Variants in ERCC6L2 observed in about 807,000 individuals in gnomAD.
The protein encoded by ERCC6L2 is DNA excision repair protein ERCC-6-like 2.
Under a neutral mutation model 132.0 loss-of-function variants are expected in ERCC6L2, and 77 were observed. The ratio of observed to expected loss-of-function variants is 0.58; its 90% CI spans 0.49 to 0.71. ERCC6L2 has a LOEUF of 0.71. Among genes scored for constraint, ERCC6L2 ranks in the 30% least tolerant of loss-of-function variants. The pLI is 0.00. For missense variants in ERCC6L2, 1,542 were observed against 1,837.6 expected, an observed-to-expected ratio of 0.84 and a Z score of 2.94; for synonymous variants, 583 against 632.4, an observed-to-expected ratio of 0.92 and a Z score of 1.17.
rs1834161815 is a variant in ERCC6L2, at chr9:96,015,293, C to A, written c.*2090C>A. The stretch of plus-strand genomic sequence containing the variant: ...CCTCCGCCCCCCGAGTCAAGCAATT[C>A]TCCTGCCTCAGCCTCCCGAGTAGCT... On this transcript the variant is annotated 3_prime_UTR_variant, in exon 19 of 19. Coordinates refer to ENST00000653738, the MANE Select transcript of ERCC6L2 (RefSeq NM_020207.7). 6.6e-6 allele frequency among the ~76,000 whole-genome samples: 1 copy of A among 150,392 alleles called. No individual in the cohort carries two copies. The highest frequency in any genetic ancestry group is 6.6e-5 in the Admixed American group (1 of 15,226).
At chr9:95,940,113 T>G (rs1830730974) in intron 11 of ERCC6L2, among the ~76,000 whole-genome samples, 1 of 152,122 alleles carries the variant, frequency 6.6e-6, no homozygotes, top group Non-Finnish European at 1.5e-5. Context: ...TCACTCAGTC[T>G]TCTCTGACAC....
At chr9:96,021,175 C>T, downstream of ERCC6L2, 1 of 359,316 alleles carries the variant, frequency 2.8e-6, no homozygotes, top group South Asian at 2.1e-5. This position sits in a 1 kb window ranked among gnomAD's most constrained non-coding sequence, Gnocchi z 4.7. Flanking sequence ...GCAGAGGCGG[C>T]TTCGCCTGGT....
Position 95,881,212 on chromosome 9 carries a change from A to G in ERCC6L2, c.390A>G (p.Gly130=). The G allele has an allele frequency of 6.2e-7, 1 of 1,606,874 alleles. No homozygotes were observed. Among genetic ancestry groups the G allele is most frequent in the Non-Finnish European group, 8.5e-7 (1 of 1,178,284 alleles). Residue 130 remains glycine, a synonymous_variant, in exon 2 of 19, where the codon GGA becomes GGG. Transcript: ENST00000653738. The part of the protein sequence containing the change: ...NRYLRDYQRE[G]TRFLYGHYIH... ...ATTTGAGAGACTACCAAAGAGAAGG[A>G]ACCCGGTTTCTTTATGGACACTACA...
intron 17 of ERCC6L2, among the ~76,000 whole-genome samples, chr9:95,998,105 G>T (rs1481703916): frequency 2.0e-5 from 3 of 151,998 alleles, no homozygotes; most frequent in South Asian, 2.1e-4. Flanking sequence ...ACCTTTTCTG[G>T]CCATATACAC....
intron 11 of ERCC6L2, among the ~76,000 whole-genome samples, chr9:95,939,030 C>A (rs1830679889): frequency 6.6e-6 from 1 of 151,842 alleles, no homozygotes; most frequent in African/African-American, 2.4e-5. Flanking sequence ...ACAGGTTTAC[C>A]AGTTTGAATG....
chr9:95,897,992 A>G (rs2132607814), intron 3 of ERCC6L2, 21 bp downstream of exon 3: 3 of 1,586,562 alleles, frequency 1.9e-6, no homozygotes, highest in Non-Finnish European at 2.6e-6. Flanking sequence ...TAGACAATGT[A>G]TATTCTACTC....
chr9:95,971,325 T>C (rs1832402997), intron 15 of ERCC6L2, among the ~76,000 whole-genome samples: 1 of 152,148 alleles, frequency 6.6e-6, no homozygotes, highest in Non-Finnish European at 1.5e-5. Context: ...TTCCGCAATA[T>C]TTTACTAGTA....
rs754836299 is a variant in ERCC6L2 at position 96,012,457 on chromosome 9, C to T, written c.3907C>T (p.Leu1303Phe). 3 of 1,366,854 alleles carry T rather than the reference C, an allele frequency of 2.2e-6. 1 individual carries two copies. In the South Asian group the frequency reaches 3.4e-5, roughly 16 times the overall value. 84.7% of individuals were successfully genotyped at this position (1,366,854 alleles called of 1,614,324 possible). A position where few individuals can be genotyped will look rare whatever the true frequency, so the allele number is the denominator to read the frequency against. The change falls in exon 19 of 19, where the codon CTT becomes TTT. Residue 1303 changes from leucine (L) to phenylalanine (F), a missense_variant. Transcript: ENST00000653738. ...TRKKSDKRESLIKPRLSDSET... is the reference protein window; with the variant it reads ...TRKKSDKRESFIKPRLSDSET... ...GAAGAAATCTGATAAAAGAGAATCT[C>T]TTATAAAACCAAGGCTGTCAGATTC... is the stretch of plus-strand genomic sequence containing the variant.
chr9:96,039,618 T>G (rs1310165168), intron 20 of ERCC6L2, among the ~76,000 whole-genome samples: 1 of 151,898 alleles, frequency 6.6e-6, no homozygotes, highest in Non-Finnish European at 1.5e-5. Flanking sequence ...GGGGGAGTGG[T>G]GGGGACTAGA....
rs1418587489 is a variant in ERCC6L2, at chr9:95,972,082, T to C, written c.2331T>C (p.Asp777=). The stretch of plus-strand genomic sequence containing the variant: ...AGACTGCCAAAAACAAAGCACCCGA[T>C]TCAAGTAAAGCTTCCAGCTCTCCAG... The part of the protein sequence containing the change: ...GIKTAKNKAP[D]SSKASSSPGQ... The change falls in exon 16 of 19, where the codon GAT becomes GAC. Residue 777 remains aspartate, a synonymous_variant. Transcript: ENST00000653738. 1 of 1,304,240 alleles carries C rather than the reference T, an allele frequency of 7.7e-7. No individual in the cohort carries two copies. The highest frequency in any genetic ancestry group is 1.0e-6 in the Non-Finnish European group (1 of 988,950). The allele number at this position is 1,304,240 out of a possible 1,614,324, so 80.8% of individuals were successfully genotyped here.
chr9:95,918,268 C>T (rs1019264923), intron 6 of ERCC6L2: 3 of 433,730 alleles, frequency 6.9e-6, no homozygotes, highest in African/African-American at 6.1e-5. Context: ...AGACCCACTA[C>T]AGTGTAGCTG....
chr9:95,971,437 T>C (rs1832409064), intron 15 of ERCC6L2: 1 of 152,210 alleles, frequency 6.6e-6, no homozygotes. Flanking sequence ...CAAAATTCTT[T>C]ATTTCTGGTG....
chr9:95,889,443 T>G (rs1828043393), intron 2 of ERCC6L2, among the ~76,000 whole-genome samples: 1 of 151,988 alleles, frequency 6.6e-6, no homozygotes, highest in Non-Finnish European at 1.5e-5. Flanking sequence ...TGCCTAAAAT[T>G]AAAAAGAGTA....
chr9:95,958,674 C>T (rs1587978620), intron 13 of ERCC6L2, among the ~76,000 whole-genome samples: 1 of 152,068 alleles, frequency 6.6e-6, no homozygotes, highest in Non-Finnish European at 1.5e-5. Context: ...GCAACTTCAG[C>T]AAAGTCTCAG....
At chr9:95,903,491 C>A (rs1828877450) in intron 3 of ERCC6L2, among the ~76,000 whole-genome samples, 1 of 152,058 alleles carries the variant, frequency 6.6e-6, no homozygotes, top group Non-Finnish European at 1.5e-5. Context: ...CTTTGCTTGT[C>A]ATTTCCATTC....
chr9:96,030,585 C>T (rs1371033040), intron 19 of ERCC6L2, among the ~76,000 whole-genome samples: 2 of 151,936 alleles, frequency 1.3e-5, no homozygotes, highest in Non-Finnish European at 2.9e-5. Context: ...ACCTGTAGTC[C>T]CAGCTACTGG....
chr9:96,026,382 T>C (rs1834363505), intron 19 of ERCC6L2, among the ~76,000 whole-genome samples: 1 of 152,006 alleles, frequency 6.6e-6, no homozygotes, highest in African/African-American at 2.4e-5. Context: ...AGGGCGCGGA[T>C]CCCAGGAGGT....
intron 18 of ERCC6L2, among the ~76,000 whole-genome samples, chr9:96,005,384 A>G (rs1015082712): frequency 6.6e-6 from 1 of 152,140 alleles, no homozygotes; most frequent in Non-Finnish European, 1.5e-5. Flanking sequence ...GAAGTTTTAA[A>G]AAGTAAACCT....
In ERCC6L2 at chr9:95,875,964, G is replaced by GGCCA. The variant is rs1210611389; in HGVS notation, c.-70_-67dup. On this transcript the variant is annotated 5_prime_UTR_variant, in exon 1 of 19. Coordinates refer to ENST00000653738, the MANE Select transcript of ERCC6L2 (RefSeq NM_020207.7). The stretch of plus-strand genomic sequence containing the variant: ...TGGCGTTGGCCGCCATTGGCCTGCC[G>GGCCA]GCCAGCCACCTTGCTGTCCTCCGCC... The GGCCA allele has an allele frequency of 2.8e-5, 43 of 1,511,882 alleles. No homozygotes were observed. Among genetic ancestry groups the GGCCA allele is most frequent in the Non-Finnish European group, 3.7e-5 (41 of 1,118,692 alleles). 93.7% of individuals were successfully genotyped at this position (1,511,882 alleles called of 1,614,324 possible).
Sources: gnomAD v4.1 joint callset for allele counts (sites outside exome capture counted in the v4.1 genomes callset) on GRCh38, gnomAD v4.1.1 for gene constraint, Gnocchi (gnomAD v3.1) non-coding constraint, MANE v1.5 for transcripts, NCBI Gene and HGNC (gene_info 2026-07-23, HGNC 2026-07-21) for gene names.